COL4A1: variants seen among roughly 807,000 people sequenced by gnomAD.
The protein encoded by COL4A1 is collagen alpha-1(IV) chain.
Under a neutral mutation model 216.6 loss-of-function variants are expected in COL4A1, and 40 were observed. The ratio of observed to expected loss-of-function variants is 0.18; its 90% CI spans 0.14 to 0.24. The LOEUF (loss-of-function observed/expected upper bound fraction) is 0.24, where lower values mean the gene tolerates loss of function less well. Among genes scored for constraint, COL4A1 ranks in the 10% least tolerant of loss-of-function variants. COL4A1 has a pLI of 1.00. For missense variants in COL4A1, 1,628 were observed against 2,196.8 expected, an observed-to-expected ratio of 0.74 and a Z score of 5.18; for synonymous variants, 839 against 810.7, an observed-to-expected ratio of 1.03 and a Z score of -0.59.
intron 42 of COL4A1, among the ~76,000 whole-genome samples, chr13:110,170,270 C>G (rs187811799): frequency 7.2e-5 from 11 of 152,272 alleles, no homozygotes; most frequent in African/African-American, 2.6e-4. Context: ...CCAAGTGCTG[C>G]GCTGGTTTAA....
At chr13:110,182,150 T>C (rs1253738988) in intron 28 of COL4A1, among the ~76,000 whole-genome samples, 2 of 152,196 alleles carry the variant, frequency 1.3e-5, no homozygotes, top group Non-Finnish European at 2.9e-5. Context: ...CCTCAGCGCC[T>C]GGCCCTCCTG....
intron 24 of COL4A1, chr13:110,191,738 T>C: frequency 1.6e-6 from 1 of 636,560 alleles, no homozygotes; most frequent in Non-Finnish European, 2.8e-6. Flanking sequence ...ACAGATCTGC[T>C]TTCCTTGATC....
At chr13:110,287,209 G>A (rs562229653) in intron 1 of COL4A1, among the ~76,000 whole-genome samples, 16 of 152,294 alleles carry the variant, frequency 1.1e-4, no homozygotes, top group African/African-American at 2.6e-4. Context: ...GGGAAGGAAC[G>A]CCCTCATTTG....
chr13:110,210,906 CTCACTCTGCA>C (rs1482414696), intron 8 of COL4A1, among the ~76,000 whole-genome samples: 1 of 150,580 alleles, frequency 6.6e-6, no homozygotes, highest in Non-Finnish European at 1.5e-5. Flanking sequence ...GCCTGCCCAC[CTCACTCTGCA>C]GGTTTTGAGT....
chr13:110,191,524 A>G (rs1878624815), intron 24 of COL4A1: 1 of 537,734 alleles, frequency 1.9e-6, no homozygotes, highest in Admixed American at 3.5e-5. Context: ...GATTATTATT[A>G]TGCTCTTCTA....
chr13:110,253,358 GT>G (rs1882303292), intron 1 of COL4A1, among the ~76,000 whole-genome samples: 2 of 36,320 alleles, frequency 5.5e-5, no homozygotes, highest in Non-Finnish European at 9.6e-5. Flanking sequence ...ATAATTATAT[GT>G]ATTACATATA....
chr13:110,218,160 G>C (rs1446800379), intron 2 of COL4A1, among the ~76,000 whole-genome samples: 1 of 152,032 alleles, frequency 6.6e-6, no homozygotes, highest in Non-Finnish European at 1.5e-5. Context: ...AAAAACTGAT[G>C]TTAACACAAA....
At chr13:110,165,603 C>G (rs902071866) in intron 45 of COL4A1, among the ~76,000 whole-genome samples, 3 of 151,752 alleles carry the variant, frequency 2.0e-5, no homozygotes, top group African/African-American at 7.3e-5. Flanking sequence ...CTTCCACACA[C>G]CCTCCCTCCC....
chr13:110,217,399 G>C (rs752163707), intron 2 of COL4A1, among the ~76,000 whole-genome samples: 1 of 152,148 alleles, frequency 6.6e-6, no homozygotes, highest in Non-Finnish European at 1.5e-5. Context: ...ACTTCCACTG[G>C]AGCTCAAGGC....
chr13:110,157,736 T>C (rs752685577), intron 49 of COL4A1, among the ~76,000 whole-genome samples: 3 of 152,196 alleles, frequency 2.0e-5, no homozygotes, highest in Non-Finnish European at 4.4e-5. Flanking sequence ...TTGCTTAGAC[T>C]CTAAGGTTTA....
At chr13:110,306,594 C>G (rs1197756023) in intron 1 of COL4A1, among the ~76,000 whole-genome samples, 1 of 152,182 alleles carries the variant, frequency 6.6e-6, no homozygotes, top group African/African-American at 2.4e-5. Flanking sequence ...CTCGCGCACC[C>G]GGGACGGGTG....
At chr13:110,257,254 G>C (rs532378138) in intron 1 of COL4A1, among the ~76,000 whole-genome samples, 6 of 152,074 alleles carry the variant, frequency 3.9e-5, no homozygotes, top group Non-Finnish European at 8.8e-5. Context: ...ACAGAATAAC[G>C]AACATGTGGA....
intron 35 of COL4A1, 36 bp from the exon 36 acceptor site, chr13:110,176,549 A>G: frequency 1.3e-6 from 2 of 1,595,128 alleles, no homozygotes; most frequent in Non-Finnish European, 1.7e-6. Context: ...ACAGGTTGAC[A>G]TCTACAGAAA....
rs755965601 is a variant in COL4A1 at position 110,235,912 on chromosome 13, A to T, written c.144+6763T>A. ...TACCCATGTGTAAATTAGAGGAAAG[A>T]TCATGGAAATAAATATATTTATAAA... On this transcript the variant is annotated intron_variant, in intron 2 of 51. Coordinates refer to ENST00000375820, the MANE Select transcript of COL4A1 (RefSeq NM_001845.6). Among the ~76,000 whole-genome samples, 141 of 152,314 alleles carry T rather than the reference A, an allele frequency of 9.3e-4. 1 individual carries two copies. The highest frequency in any genetic ancestry group is 1.5e-3 in the Non-Finnish European group (99 of 68,024).
chr13:110,194,132 C>T (rs142503862), intron 22 of COL4A1, among the ~76,000 whole-genome samples: 1 of 152,184 alleles, frequency 6.6e-6, no homozygotes, highest in African/African-American at 2.4e-5. Context: ...CATTAAAACC[C>T]AAACTGTACA....
rs1284593418 is a variant in COL4A1 at position 110,198,483 on chromosome 13, C to G, written c.1269G>C (p.Gly423=). ...GGAACTCACTTGTGTAGCCAGGCTG[C>G]CCAGGGGGCCCAGGGGAACCAGGAG... The part of the protein sequence containing the change: ...PGPPGSPGPP[G]QPGYTNGIVE... Residue 423 remains glycine, a synonymous_variant, in exon 21 of 52, where the codon GGG becomes GGC. Transcript: ENST00000375820. 2.5e-6 allele frequency: 4 copies of G among 1,613,300 alleles called. No homozygotes were observed. The highest frequency in any genetic ancestry group is 2.5e-6 in the Non-Finnish European group (3 of 1,179,538).
At chr13:110,157,534 C>CG (rs1876844084) in intron 49 of COL4A1, among the ~76,000 whole-genome samples, 2 of 152,202 alleles carry the variant, frequency 1.3e-5, no homozygotes, top group African/African-American at 4.8e-5. Context: ...GGCAGCCTCT[C>CG]TACGAGAGGG....
Position 110,173,991 on chromosome 13 carries a change from A to G in COL4A1, c.3414T>C (p.Pro1138=). The change falls in exon 40 of 52, where the codon CCT becomes CCC. Residue 1138 remains proline (P), a synonymous_variant. Coordinates refer to ENST00000375820, the MANE Select transcript of COL4A1 (RefSeq NM_001845.6). ...CTGGGCCTGTGGGGCCAGGAGTCCCAGGAAGACCTCAAAGAGAAAAGTCAC... is the reference window on the plus strand; with the variant it reads ...CTGGGCCTGTGGGGCCAGGAGTCCCGGGAAGACCTCAAAGAGAAAAGTCAC... ...IPGVKGEAGL[P]GTPGPTGPAG... is the part of the protein sequence containing the mutation. 2 of 1,614,076 alleles carry G rather than the reference A, an allele frequency of 1.2e-6. No individual in the cohort carries two copies. Among genetic ancestry groups the G allele is most frequent in the Non-Finnish European group, 1.7e-6 (2 of 1,180,006 alleles).
intron 2 of COL4A1, among the ~76,000 whole-genome samples, chr13:110,240,759 T>C (rs554781728): frequency 2.0e-4 from 31 of 152,158 alleles, no homozygotes; most frequent in Admixed American, 9.2e-4. Context: ...GAGATGTCAG[T>C]TGACAGGTAG....
Sources: gnomAD v4.1 joint callset for allele counts (sites outside exome capture counted in the v4.1 genomes callset) on GRCh38, gnomAD v4.1.1 for gene constraint, MANE v1.5 for transcripts, NCBI Gene and HGNC (gene_info 2026-07-23, HGNC 2026-07-21) for gene names.